Variants in RIMS2 observed in about 807,000 individuals in gnomAD.
RIMS2 encodes the protein regulating synaptic membrane exocytosis 2.
RIMS2 carries 59 observed loss-of-function variants against 174.4 expected under a neutral mutation model. The observed-to-expected ratio is 0.34, with a 90% confidence interval of 0.27 to 0.42. The LOEUF is 0.42. Ranked by LOEUF, RIMS2 falls within the 10% of genes least tolerant of loss-of-function variation. The pLI is 1.00. For synonymous variants in RIMS2, 606 were observed against 572.5 expected (o/e 1.06, Z -0.84); for missense variants, 1,620 against 1,666.3 (o/e 0.97, Z 0.48).
At chr8:104,206,164 T>C (rs945029274) in intron 19 of RIMS2, among the ~76,000 whole-genome samples, 1 of 152,186 alleles carries the variant, frequency 6.6e-6, no homozygotes, top group East Asian at 1.9e-4. Context: ...GATTCACTGG[T>C]TTCTGTAATT....
intron 2 of RIMS2, among the ~76,000 whole-genome samples, chr8:103,748,064 T>G (rs2097843550): frequency 6.6e-6 from 1 of 152,132 alleles, no homozygotes; most frequent in Non-Finnish European, 1.5e-5. Flanking sequence ...AAAGGGAAGT[T>G]CATATATTAG....
chr8:104,137,374 A>G (rs2133328477), intron 19 of RIMS2, among the ~76,000 whole-genome samples: 1 of 152,270 alleles, frequency 6.6e-6, no homozygotes, highest in Admixed American at 6.5e-5. Context: ...TGCTTCGTTA[A>G]TTCATGAGGA....
At chr8:103,795,527 T>G (rs1273894575) in intron 3 of RIMS2, among the ~76,000 whole-genome samples, 2 of 152,122 alleles carry the variant, frequency 1.3e-5, no homozygotes, top group African/African-American at 4.8e-5. Flanking sequence ...CATGTGTACA[T>G]GTATAACAAA....
chr8:103,693,535 A>C (rs2097059049), intron 1 of RIMS2, among the ~76,000 whole-genome samples: 1 of 152,094 alleles, frequency 6.6e-6, no homozygotes, highest in South Asian at 2.1e-4. Flanking sequence ...GATTATGCTT[A>C]CCTTCTGTTG....
At position 104,150,109 on chromosome 8, in the gene RIMS2, G is replaced by GT. The variant is rs139177231; in HGVS notation, c.3335-94800dup. Among the ~76,000 whole-genome samples, 888 of 151,838 alleles carry GT rather than the reference G, an allele frequency of 5.8e-3. 13 individuals are homozygous for GT. The highest frequency in any genetic ancestry group is 0.02 in the African/African-American group (834 of 41,412). ...TACATGTTGGCCTTTTGAAATTGAG[G>GT]TTTTTTTATACTTCTCTAATAGAAC... On this transcript the variant is annotated intron_variant, in intron 19 of 23. Coordinates refer to ENST00000504942, the Ensembl canonical transcript of RIMS2.
chr8:103,704,685 G>A (rs2097204400), intron 2 of RIMS2, among the ~76,000 whole-genome samples: 2 of 151,888 alleles, frequency 1.3e-5, no homozygotes, highest in South Asian at 4.2e-4. Context: ...ATTTAATCAT[G>A]ATCCAATCTT....
intron 19 of RIMS2, among the ~76,000 whole-genome samples, chr8:104,175,993 C>A (rs931374875): frequency 6.6e-6 from 1 of 152,114 alleles, no homozygotes; most frequent in African/African-American, 2.4e-5. Context: ...GAAACTAGTC[C>A]TACCCAACTT....
chr8:104,223,419 CA>C lies in RIMS2; in HGVS notation c.3335-21496del. The C allele has an allele frequency of 7.0e-6, 9 of 1,283,056 alleles. No individual in the cohort carries two copies. The East Asian group carries it at 1.3e-4, about 18-fold the overall frequency. 79.5% of individuals were successfully genotyped at this position (1,283,056 alleles called of 1,614,324 possible). A position where few individuals can be genotyped will look rare whatever the true frequency, so the allele number is the denominator to read the frequency against. On this transcript the variant is annotated intron_variant, in intron 19 of 23. Coordinates refer to ENST00000504942, the Ensembl canonical transcript of RIMS2. ...CACTGCGAGCAGCCGCTCCGCCCGCCACCGCCTCCATCTCCTCCTCTGGACC... is the reference window on the plus strand; with the variant it reads ...CACTGCGAGCAGCCGCTCCGCCCGCCCCGCCTCCATCTCCTCCTCTGGACC...
intron 1 of RIMS2, among the ~76,000 whole-genome samples, chr8:103,573,098 T>G (rs530846992): frequency 6.6e-6 from 1 of 152,238 alleles, no homozygotes; most frequent in Admixed American, 6.5e-5. Context: ...CTCGCTCTGT[T>G]GTCCAGGCTG....
intron 17 of RIMS2, among the ~76,000 whole-genome samples, chr8:104,008,199 A>G (rs1335292131): frequency 6.6e-6 from 1 of 152,128 alleles, no homozygotes; most frequent in Non-Finnish European, 1.5e-5. Flanking sequence ...GAATAACTTT[A>G]ATTTTTACAT....
intron 2 of RIMS2, among the ~76,000 whole-genome samples, chr8:103,698,605 G>A (rs572280279): frequency 5.9e-5 from 9 of 152,070 alleles, no homozygotes; most frequent in Non-Finnish European, 1.0e-4. Context: ...TTGTCATGAT[G>A]GATTATCTCT....
At chr8:103,587,468 G>GAAAGAAAC (rs35539559) in intron 1 of RIMS2, among the ~76,000 whole-genome samples, 2 of 96,344 alleles carry the variant, frequency 2.1e-5, no homozygotes, top group African/African-American at 9.2e-5. Context: ...AAGAAAGAAA[G>GAAAGAAAC]AAACTATGCA....
rs372105262 is a variant in RIMS2 at position 103,612,991 on chromosome 8, CT to C, written c.177-84092del. ...CTTGTGGCTACGACCACTGATACTGCTTTGGGTCAGACCTGAAGCCAACAGA... is the reference window on the plus strand; with the variant it reads ...CTTGTGGCTACGACCACTGATACTGCTTGGGTCAGACCTGAAGCCAACAGA... On this transcript the variant is annotated intron_variant, in intron 1 of 23. Coordinates refer to ENST00000504942, the Ensembl canonical transcript of RIMS2. Among the ~76,000 whole-genome samples, 644 of 152,306 alleles carry C rather than the reference CT, an allele frequency of 4.2e-3. 4 individuals carry two copies. The highest frequency in any genetic ancestry group is 0.015 in the African/African-American group (613 of 41,564).
At chr8:103,945,019 T>C (rs1235739578) in intron 14 of RIMS2, among the ~76,000 whole-genome samples, 2 of 152,110 alleles carry the variant, frequency 1.3e-5, no homozygotes, top group South Asian at 2.1e-4. Context: ...ATAAACTCCT[T>C]TGATGACAAG....
intron 3 of RIMS2, among the ~76,000 whole-genome samples, chr8:103,865,284 C>CTTTTT (rs67300843): frequency 3.3e-5 from 4 of 119,730 alleles, no homozygotes; most frequent in African/African-American, 6.4e-5. Flanking sequence ...CAGTTTTTTT[C>CTTTTT]TTTTTTTTTT....
At chr8:103,623,703 A>ACACAC (rs1169545131) in intron 1 of RIMS2, among the ~76,000 whole-genome samples, 1 of 151,068 alleles carries the variant, frequency 6.6e-6, no homozygotes, top group Admixed American at 6.6e-5. Context: ...GTTAGCCAGG[A>ACACAC]TGGTCTCGAT....
chr8:103,902,121 C>T (rs186505766), intron 4 of RIMS2, among the ~76,000 whole-genome samples: 142 of 152,216 alleles, frequency 9.3e-4, no homozygotes, highest in African/African-American at 3.3e-3. Context: ...AGATTGTTGG[C>T]AGAATTTATT....
chr8:103,805,905 A>G (rs2098647003), intron 3 of RIMS2, among the ~76,000 whole-genome samples: 1 of 152,124 alleles, frequency 6.6e-6, no homozygotes, highest in South Asian at 2.1e-4. Context: ...TACATCTCTC[A>G]GAAATATTTA....
At chr8:103,757,716 G>T (rs930206870) in intron 2 of RIMS2, among the ~76,000 whole-genome samples, 1 of 152,204 alleles carries the variant, frequency 6.6e-6, no homozygotes, top group Non-Finnish European at 1.5e-5. Flanking sequence ...GATTATGCAG[G>T]TTGGCCCTAA....
Sources: gnomAD v4.1 joint callset for allele counts (sites outside exome capture counted in the v4.1 genomes callset) on GRCh38, gnomAD v4.1.1 for gene constraint, MANE v1.5 for transcripts, NCBI Gene and HGNC (gene_info 2026-07-23, HGNC 2026-07-21) for gene names.